The following TPST2 variants were observed in gnomAD, a reference collection of about 807,000 sequenced individuals.
The protein encoded by TPST2 is protein-tyrosine sulfotransferase 2.
A neutral mutation model predicts 27.8 loss-of-function variants in TPST2; 16 were observed. The observed-to-expected ratio is 0.58, with a 90% CI of 0.39 to 0.88. The LOEUF (loss-of-function observed/expected upper bound fraction) is 0.88, where lower values mean the gene tolerates loss of function less well. TPST2 is among the 40% of genes least tolerant of loss of function. The pLI, the probability that TPST2 is intolerant of heterozygous loss-of-function variation, is 0.00. For synonymous variants in TPST2, 229 were observed against 231.7 expected (o/e 0.99, Z 0.10); for missense variants, 464 against 543.1 (o/e 0.85, Z 1.45).
In TPST2 at chr22:26,569,304, C is replaced by T. The variant is rs9625045; in HGVS notation, c.-161+20749G>A. ...GGGGAGATGTCAGGATGGTGGTTAC[C>T]CCGGTGGGGCAAGGGGTAACTGCAG... On this transcript the variant is annotated intron_variant, in intron 1 of 6. Coordinates refer to ENST00000338754, the MANE Select transcript of TPST2 (RefSeq NM_003595.5). Among the ~76,000 whole-genome samples the T allele has an allele frequency of 8.3e-3, 1,260 of 152,146 alleles. 20 individuals are homozygous for T. The highest frequency in any genetic ancestry group is 0.029 in the African/African-American group (1,210 of 41,496).
chr22:26,548,157 G>C (rs1175561744), intron 1 of TPST2, among the ~76,000 whole-genome samples: 2 of 152,184 alleles, frequency 1.3e-5, no homozygotes, highest in Non-Finnish European at 2.9e-5. Flanking sequence ...AAAACTTGTT[G>C]AGTGCCAACA....
chr22:26,589,256 G>T (rs1028948798), intron 1 of TPST2, among the ~76,000 whole-genome samples: 3 of 152,090 alleles, frequency 2.0e-5, no homozygotes, highest in African/African-American at 7.2e-5. Context: ...CTGCTGAGGT[G>T]GATGGTTCCT....
At chr22:26,559,292 G>T (rs1278910624) in intron 1 of TPST2, among the ~76,000 whole-genome samples, 1 of 152,238 alleles carries the variant, frequency 6.6e-6, no homozygotes, top group African/African-American at 2.4e-5. Flanking sequence ...CTTGAACTTG[G>T]GAGGCAGAGG....
At chr22:26,566,849 C>T (rs73406326) in intron 1 of TPST2, among the ~76,000 whole-genome samples, 7 of 152,292 alleles carry the variant, frequency 4.6e-5, no homozygotes, top group African/African-American at 1.7e-4. Flanking sequence ...CCGCTCATAT[C>T]GTATTGTAAT....
At chr22:26,542,666 C>A (rs1012493052) in intron 2 of TPST2, among the ~76,000 whole-genome samples, 11 of 152,124 alleles carry the variant, frequency 7.2e-5, no homozygotes, top group African/African-American at 2.4e-4. Flanking sequence ...AGCCTTCATG[C>A]AGAATTTTCA....
chr22:26,569,085 G>T (rs143919826), intron 1 of TPST2, among the ~76,000 whole-genome samples: 1 of 151,886 alleles, frequency 6.6e-6, no homozygotes, highest in African/African-American at 2.4e-5. Context: ...GGATGGTCTC[G>T]ATCTCCTGAC....
intron 1 of TPST2, chr22:26,555,219 C>G (rs4822739): frequency 0.083 from 44,495 of 533,524 alleles, 2,618 homozygotes; most frequent in East Asian, 0.21. Context: ...GCACTGAACT[C>G]AGCGTTCTAG....
At chr22:26,567,456 C>G (rs539450576) in intron 1 of TPST2, among the ~76,000 whole-genome samples, 19 of 152,314 alleles carry the variant, frequency 1.2e-4, no homozygotes, top group African/African-American at 4.6e-4. Context: ...TTCAGGGCTT[C>G]CTCATCCCAG....
chr22:26,544,770 G>A lies in TPST2; in HGVS notation c.-160-95C>T, dbSNP rs185286811. 8 of 636,274 alleles carry A rather than the reference G, an allele frequency of 1.3e-5. No homozygotes were observed. The East Asian group carries it at 9.7e-4, about 77-fold the overall frequency. 39.4% of individuals were successfully genotyped at this position (636,274 alleles called of 1,614,324 possible). A position where few individuals can be genotyped will look rare whatever the true frequency, so the allele number is the denominator to read the frequency against. On this transcript the variant is annotated intron_variant, in intron 1 of 6. Coordinates refer to ENST00000338754, the MANE Select transcript of TPST2 (RefSeq NM_003595.5). ...AGAGTGAGGGTTTAGGCTCCCAAGA[G>A]CACTGGACAGTGACATTTGGGAGAA...
intron 1 of TPST2, among the ~76,000 whole-genome samples, chr22:26,561,460 G>C (rs1204127158): frequency 6.6e-6 from 1 of 152,046 alleles, no homozygotes; most frequent in African/African-American, 2.4e-5. Context: ...TTATATATGG[G>C]GATGATAGTT....
intron 1 of TPST2, among the ~76,000 whole-genome samples, chr22:26,551,883 C>CTTTTTTTTTTTTTTT (rs1163793644): frequency 2.3e-4 from 15 of 66,416 alleles, no homozygotes; most frequent in South Asian, 4.7e-4. Context: ...TTTTCTTTTT[C>CTTTTTTTTTTTTTTT]TTTTTTTTTT....
At chr22:26,577,095 C>CAA (rs34865016) in intron 1 of TPST2, among the ~76,000 whole-genome samples, 25,327 of 75,024 alleles carry the variant, frequency 0.34, 3,552 homozygotes, top group Non-Finnish European at 0.41. Context: ...GACTCTGTTG[C>CAA]AAAAAAAAAA....
At chr22:26,583,311 C>T (rs549650826) in intron 1 of TPST2, among the ~76,000 whole-genome samples, 32 of 150,664 alleles carry the variant, frequency 2.1e-4, no homozygotes, top group African/African-American at 5.6e-4. Flanking sequence ...GTAGTAGGCA[C>T]CTGTAATCCC....
chr22:26,582,627 G>A (rs1928160459), intron 1 of TPST2, among the ~76,000 whole-genome samples: 1 of 152,134 alleles, frequency 6.6e-6, no homozygotes, highest in South Asian at 2.1e-4. Context: ...CTAGGACCTC[G>A]TTGCTTCTTA....
At chr22:26,550,516 G>A (rs1016719270) in intron 1 of TPST2, 18 of 887,192 alleles carry the variant, frequency 2.0e-5, no homozygotes, top group African/African-American at 1.3e-4. Context: ...AGAGAAAAGC[G>A]GCAGGGGGGC....
chr22:26,556,742 C>G (rs1032152001), intron 1 of TPST2, among the ~76,000 whole-genome samples: 1 of 152,180 alleles, frequency 6.6e-6, no homozygotes, highest in Non-Finnish European at 1.5e-5. Context: ...GTTATGGACA[C>G]AAAATCTATG....
Position 26,541,833 on chromosome 22 carries a change from A to G in TPST2, c.-88-115T>C. 1 of 1,046,274 alleles carries G rather than the reference A, an allele frequency of 9.6e-7. No homozygotes were observed. Among genetic ancestry groups the G allele is most frequent in the Non-Finnish European group, 1.3e-6 (1 of 758,950 alleles). The allele number at this position is 1,046,274 out of a possible 1,614,324, so 64.8% of individuals were successfully genotyped here. A position where few individuals can be genotyped will look rare whatever the true frequency, so the allele number is the denominator to read the frequency against. On this transcript the variant is annotated intron_variant, in intron 2 of 6. Coordinates refer to ENST00000338754, the MANE Select transcript of TPST2 (RefSeq NM_003595.5). This position sits in a 1 kb window ranked among gnomAD's most constrained non-coding sequence, Gnocchi z 5.9. ...GGCTGCTGACATGAATGCAGAGGGC[A>G]CCTTTCATAAGCACTAGCTGTGTGC...
intron 1 of TPST2, chr22:26,555,283 C>G (rs565141718): frequency 7.6e-6 from 4 of 524,560 alleles, no homozygotes; most frequent in African/African-American, 5.8e-5. Context: ...TACCAAAGAC[C>G]GCAATTACTT....
At chr22:26,581,291 T>C (rs1928101611) in intron 1 of TPST2, among the ~76,000 whole-genome samples, 1 of 152,192 alleles carries the variant, frequency 6.6e-6, no homozygotes, top group Non-Finnish European at 1.5e-5. Context: ...GCATCCTGTG[T>C]GGCTTCTGGT....
Sources: allele counts gnomAD v4.1 joint callset (sites outside exome capture counted in the v4.1 genomes callset), GRCh38; gene constraint gnomAD v4.1.1; non-coding constraint Gnocchi (gnomAD v3.1); transcripts MANE v1.5; gene names NCBI Gene and HGNC (gene_info 2026-07-23, HGNC 2026-07-21).